Variants in CPZ observed in about 807,000 individuals in gnomAD.
The protein encoded by CPZ is carboxypeptidase Z, also known as VEZT/CPZ fusion.
In CPZ, 103 loss-of-function variants were observed where a neutral mutation model predicts 61.8. That is an observed-to-expected ratio of 1.67 (90% CI 1.42 to 1.96). CPZ has a LOEUF of 1.96. CPZ is among the 30% of genes most tolerant of loss of function. The pLI is 0.00. For synonymous variants in CPZ, 551 were observed against 373.7 expected (o/e 1.47, Z -5.47); for missense variants, 1,461 against 914.9 (o/e 1.60, Z -7.70).
At chr4:8,614,089 C>A (rs528541217) in intron 8 of CPZ, among the ~76,000 whole-genome samples, 3 of 152,392 alleles carry the variant, frequency 2.0e-5, no homozygotes, top group Non-Finnish European at 4.4e-5. Context: ...TTAAATGCCT[C>A]ATGCCGCCAT....
intron 7 of CPZ, among the ~76,000 whole-genome samples, chr4:8,608,151 C>T (rs1013795983): frequency 2.0e-5 from 3 of 151,386 alleles, no homozygotes; most frequent in African/African-American, 7.4e-5. Flanking sequence ...CCCCAGCCCC[C>T]AGCCCCCAGC....
intron 9 of CPZ, 113 bp from the exon 10 acceptor site, chr4:8,618,316 G>A (rs1716373343): frequency 4.4e-6 from 4 of 912,176 alleles, no homozygotes; most frequent in African/African-American, 3.3e-5. Context: ...GCTCTGTGGG[G>A]TAGTTCCCCC....
intron 1 of CPZ, among the ~76,000 whole-genome samples, chr4:8,595,021 C>A (rs1455932607): frequency 6.6e-6 from 1 of 152,236 alleles, no homozygotes; most frequent in African/African-American, 2.4e-5. Context: ...ATCCACCCGC[C>A]TTGGCCTCCC....
At chr4:8,618,370 C>G (rs1367044379) in intron 9 of CPZ, 59 bp from the exon 10 acceptor site, 1 of 1,535,788 alleles carries the variant, frequency 6.5e-7, no homozygotes, top group South Asian at 1.1e-5. Flanking sequence ...GAGCTGACGG[C>G]CTCCACGCTC....
intron 5 of CPZ, 105 bp downstream of exon 5, chr4:8,606,290 T>G: frequency 8.8e-7 from 1 of 1,139,158 alleles, no homozygotes; most frequent in Non-Finnish European, 1.2e-6. Context: ...CCTGCCTCTC[T>G]AGGAGAGGAG....
At chr4:8,594,700 A>C (rs143601409) in intron 1 of CPZ, among the ~76,000 whole-genome samples, 1 of 152,248 alleles carries the variant, frequency 6.6e-6, no homozygotes, top group African/African-American at 2.4e-5. Context: ...CCATCCACGC[A>C]CAGAATTTTA....
intron 7 of CPZ, chr4:8,611,411 T>A (rs1275592599): frequency 2.4e-6 from 1 of 415,136 alleles, no homozygotes; most frequent in African/African-American, 2.0e-5. Flanking sequence ...CAGCCACACA[T>A]CCAAACATGT....
intron 5 of CPZ, 61 bp from the exon 6 acceptor site, chr4:8,606,676 C>G: frequency 1.9e-6 from 3 of 1,606,304 alleles, no homozygotes; most frequent in Non-Finnish European, 2.6e-6. Context: ...TGAGACCCAT[C>G]TGGAAGGAGG....
intron 3 of CPZ, chr4:8,603,669 C>T (rs1226382316): frequency 1.1e-5 from 5 of 456,920 alleles, no homozygotes; most frequent in Non-Finnish European, 2.0e-5. Context: ...GTCCAGGACC[C>T]CATATATCTG....
chr4:8,614,604 C>A, intron 9 of CPZ, 106 bp downstream of exon 9: 4 of 1,188,888 alleles, frequency 3.4e-6, no homozygotes, highest in Non-Finnish European at 4.7e-6. Context: ...CCCATACACA[C>A]ATGCTCCTTT....
intron 8 of CPZ, 141 bp from the exon 9 acceptor site, chr4:8,614,218 C>T: frequency 5.1e-6 from 6 of 1,185,482 alleles, no homozygotes; most frequent in Non-Finnish European, 2.3e-6. Context: ...GGGCACTTGG[C>T]TGACACCCCG....
intron 8 of CPZ, among the ~76,000 whole-genome samples, chr4:8,612,648 C>A (rs952398140): frequency 6.6e-6 from 1 of 152,218 alleles, no homozygotes; most frequent in African/African-American, 2.4e-5. Context: ...GCGTGTACAT[C>A]TTTATCTGCT....
At chr4:8,615,577 C>T (rs1272236701) in intron 9 of CPZ, among the ~76,000 whole-genome samples, 1 of 152,234 alleles carries the variant, frequency 6.6e-6, no homozygotes, top group Non-Finnish European at 1.5e-5. Flanking sequence ...CCGGTTCTGA[C>T]ACCAGGCCGG....
intron 9 of CPZ, 118 bp downstream of exon 9, chr4:8,614,616 GCCA>G (rs1350551263): frequency 3.8e-6 from 4 of 1,066,298 alleles, no homozygotes; most frequent in Middle Eastern, 2.2e-4. Context: ...TGCTCCTTTT[GCCA>G]CCACTTGTTT....
chr4:8,619,689 T>A lies in CPZ; in HGVS notation c.*72T>A. ...CGCATCCCGGGCTCCTGGCTCTTGATTTTGTCTGCCACAGACATCCCACAA... is the reference window on the plus strand; with the variant it reads ...CGCATCCCGGGCTCCTGGCTCTTGAATTTGTCTGCCACAGACATCCCACAA... On this transcript the variant is annotated 3_prime_UTR_variant, in exon 11 of 11. Transcript: ENST00000360986. The A allele has an allele frequency of 8.3e-7, 1 of 1,204,008 alleles. No homozygotes were observed. The highest frequency in any genetic ancestry group is 1.1e-6 in the Non-Finnish European group (1 of 895,004). The allele number at this position is 1,204,008 out of a possible 1,614,324, so 74.6% of individuals were successfully genotyped here.
chr4:8,609,987 A>AT (rs1258684296), intron 7 of CPZ, among the ~76,000 whole-genome samples: 18 of 152,176 alleles, frequency 1.2e-4, no homozygotes, highest in African/African-American at 3.9e-4. Flanking sequence ...CAGGCTGGCC[A>AT]TGGCTGCCTT....
rs1331006388 is a variant in CPZ, at chr4:8,599,494, C to A, written c.121+9C>A. ...ACCAGCTGCAGACAGCGGTACAGTACCGGGACCTCCCTGGCTTCTGTTCTG... is the reference window on the plus strand; with the variant it reads ...ACCAGCTGCAGACAGCGGTACAGTAACGGGACCTCCCTGGCTTCTGTTCTG... On this transcript the variant is annotated intron_variant, in intron 2 of 10. Transcript: ENST00000360986. 5.6e-6 allele frequency: 9 copies of A among 1,613,590 alleles called. No homozygotes were observed. Among genetic ancestry groups the A allele is most frequent in the Non-Finnish European group, 6.8e-6 (8 of 1,179,836 alleles).
Position 8,612,137 on chromosome 4 carries a change from G to T in CPZ, c.1338G>T (p.Gly446=). The change falls in exon 8 of 11, where the codon GGG becomes GGT. Residue 446 remains glycine (G), a synonymous_variant. Coordinates refer to ENST00000360986, the MANE Select transcript of CPZ (RefSeq NM_001014447.3). Reference sequence around the variant, plus strand: ...TGAAGAGGGGGAGCATCATCAACGGGGCGGACTGGTACAGCTTCACGGGAG... The same window carrying T: ...TGAAGAGGGGGAGCATCATCAACGGTGCGGACTGGTACAGCTTCACGGGAG... ...NFLKRGSIIN[G]ADWYSFTGGM... 6.3e-7 allele frequency: 1 copy of T among 1,599,498 alleles called. No homozygotes were observed. The highest frequency in any genetic ancestry group is 1.1e-5 in the South Asian group (1 of 89,512).
At chr4:8,609,172 C>CCCCT (rs1560298072) in intron 7 of CPZ, among the ~76,000 whole-genome samples, 1 of 41,858 alleles carries the variant, frequency 2.4e-5, no homozygotes, top group South Asian at 6.0e-4. Flanking sequence ...ATTCACTCAC[C>CCCCT]CATTCACTCA....
Sources: allele counts gnomAD v4.1 joint callset (sites outside exome capture counted in the v4.1 genomes callset), GRCh38; gene constraint gnomAD v4.1.1; transcripts MANE v1.5; gene names NCBI Gene and HGNC (gene_info 2026-07-23, HGNC 2026-07-21).